Variants in TRIM50 observed in about 807,000 individuals in gnomAD.
TRIM50 encodes the protein E3 ubiquitin-protein ligase TRIM50.
A neutral mutation model predicts 44.9 loss-of-function variants in TRIM50; 34 were observed. The observed-to-expected ratio is 0.76, with a 90% CI of 0.58 to 1.01. The LOEUF is 1.01. Among genes scored for constraint, TRIM50 ranks in the 50% least tolerant of loss-of-function variants. TRIM50 has a pLI of 0.00. For missense variants in TRIM50, 633 were observed against 663.7 expected (o/e 0.95, Z 0.51); for synonymous variants, 307 against 291.1 (o/e 1.05, Z -0.56).
chr7:73,326,670 C>T (rs1330805100), intron 1 of TRIM50, among the ~76,000 whole-genome samples: 4 of 152,026 alleles, frequency 2.6e-5, no homozygotes, highest in African/African-American at 4.8e-5. Flanking sequence ...ACATAAACAG[C>T]ATCATATAGA....
intron 2 of TRIM50, among the ~76,000 whole-genome samples, chr7:73,323,580 T>G (rs1293055753): frequency 2.0e-5 from 3 of 152,234 alleles, no homozygotes; most frequent in Admixed American, 2.0e-4. Flanking sequence ...TCTTAAAGAA[T>G]GATCTGCTAG....
At chr7:73,325,012 ATATGTG>A (rs1275822468) in intron 1 of TRIM50, among the ~76,000 whole-genome samples, 2 of 103,718 alleles carry the variant, frequency 1.9e-5, no homozygotes, top group African/African-American at 8.1e-5. Flanking sequence ...TCCCTTGAAG[ATATGTG>A]TGTGTGTGTG....
At position 73,316,484 on chromosome 7, in the gene TRIM50, A is replaced by G. The variant is rs1436962863; in HGVS notation, c.874+81T>C. ...CCTCCATCTGAGTTCTCTGTAGCTT[A>G]TTATCTCTCTGATACAATCGATGAA... On this transcript the variant is annotated intron_variant, in intron 6 of 6. Transcript: ENST00000333149. 1.9e-6 allele frequency: 3 copies of G among 1,564,864 alleles called. No individual in the cohort carries two copies. In the African/African-American group the frequency reaches 4.1e-5, roughly 21 times the overall value.
At chr7:73,322,689 C>T (rs1221520320) in intron 2 of TRIM50, among the ~76,000 whole-genome samples, 4 of 152,200 alleles carry the variant, frequency 2.6e-5, no homozygotes, top group Non-Finnish European at 4.4e-5. Flanking sequence ...TCTTTCTATC[C>T]CTTTTTTCAG....
chr7:73,324,635 C>T lies in TRIM50; in HGVS notation c.153G>A (p.Leu51=). 2 of 1,614,204 alleles carry T rather than the reference C, an allele frequency of 1.2e-6. No individual in the cohort carries two copies. Among genetic ancestry groups the T allele is most frequent in the Non-Finnish European group, 1.7e-6 (2 of 1,180,036 alleles). ...CCGCCTGCCGGCACACGGGGCAGCG[C>T]AGCTCGGCATCCAGGTGGCAGGACA... ...VSLSCHLDAE[L]RCPVCRQAVD... Residue 51 remains leucine, a synonymous_variant, in exon 2 of 7, where the codon CTG becomes CTA. Coordinates refer to ENST00000333149, the MANE Select transcript of TRIM50 (RefSeq NM_178125.3).
intron 2 of TRIM50, 95 bp from the exon 3 acceptor site, chr7:73,320,337 C>G (rs1804467076): frequency 1.9e-6 from 3 of 1,584,950 alleles, no homozygotes; most frequent in African/African-American, 1.3e-5. Flanking sequence ...TGGCCACAAG[C>G]ACTCCCAGGG....
chr7:73,315,048 C>G, intron 6 of TRIM50: 1 of 341,812 alleles, frequency 2.9e-6, no homozygotes, highest in South Asian at 2.8e-5. Flanking sequence ...ACTTGGAAGA[C>G]AAAGGAGCTT....
At chr7:73,319,974 G>T (rs2115749145) in intron 3 of TRIM50, among the ~76,000 whole-genome samples, 173 bp downstream of exon 3, 1 of 152,338 alleles carries the variant, frequency 6.6e-6, no homozygotes, top group East Asian at 1.9e-4. Flanking sequence ...AACGACAACT[G>T]GGTTGAATTC....
chr7:73,322,281 G>C (rs527893628), intron 2 of TRIM50, among the ~76,000 whole-genome samples: 2 of 152,122 alleles, frequency 1.3e-5, no homozygotes, highest in Non-Finnish European at 2.9e-5. Context: ...CCCGGGAGGC[G>C]GAGCTTGCAG....
intron 5 of TRIM50, chr7:73,316,908 GT>G (rs1554544185): frequency 3.6e-6 from 2 of 550,700 alleles, no homozygotes; most frequent in Non-Finnish European, 5.7e-6. Context: ...TAGAGTGCAG[GT>G]TTGGGGACCA....
At chr7:73,321,017 T>C (rs1351313856) in intron 2 of TRIM50, among the ~76,000 whole-genome samples, 1 of 119,288 alleles carries the variant, frequency 8.4e-6, no homozygotes, top group South Asian at 2.6e-4. Flanking sequence ...AGAGTGAAAC[T>C]CCGTCTCAAA....
chr7:73,313,158 G>A lies in TRIM50; in HGVS notation c.1227C>T (p.Gly409=). The A allele has an allele frequency of 6.3e-7, 1 of 1,587,788 alleles. No homozygotes were observed. Among genetic ancestry groups the A allele is most frequent in the South Asian group, 1.1e-5 (1 of 87,434 alleles). The part of the protein sequence containing the change: ...ACPRVPLPVA[G]HPHRIGLYLH... ...GGTAGAGCCCGATGCGGTGGGGGTG[G>A]CCGGCCACGGGCAGGGGTACCCGGG... Residue 409 remains glycine (G), a synonymous_variant, in exon 7 of 7, where the codon GGC becomes GGT. Coordinates refer to ENST00000333149, the MANE Select transcript of TRIM50 (RefSeq NM_178125.3). This position sits in a 1 kb window ranked among gnomAD's most constrained non-coding sequence, Gnocchi z 4.9.
intron 1 of TRIM50, among the ~76,000 whole-genome samples, chr7:73,326,875 C>T (rs1554546199): frequency 1.3e-5 from 2 of 152,014 alleles, no homozygotes; most frequent in South Asian, 2.1e-4. Flanking sequence ...TTGCAACCTC[C>T]GCCTCCCGGG....
rs182771024 is a variant in TRIM50, at chr7:73,318,285, T to C, written c.749+402A>G. On this transcript the variant is annotated intron_variant, in intron 5 of 6. Transcript: ENST00000333149. The stretch of plus-strand genomic sequence containing the variant: ...CGGGGACTATAGGCACATGACACCA[T>C]GCCCAACTAATTTTTTTATTTTTGT... 2.6e-3 allele frequency among the ~76,000 whole-genome samples: 396 copies of C among 152,294 alleles called. 4 individuals carry two copies. Among genetic ancestry groups the C allele is most frequent in the Non-Finnish European group, 4.0e-3 (275 of 68,032 alleles).
Position 73,313,159 on chromosome 7 carries a change from C to T in TRIM50, c.1226G>A (p.Gly409Asp). 1.3e-6 allele frequency: 2 copies of T among 1,587,654 alleles called. No homozygotes were observed. The highest frequency in any genetic ancestry group is 8.6e-7 in the Non-Finnish European group (1 of 1,167,300). ...GTAGAGCCCGATGCGGTGGGGGTGG[C>T]CGGCCACGGGCAGGGGTACCCGGGG... ...ACPRVPLPVA[G>D]HPHRIGLYLH... The change falls in exon 7 of 7, where the codon GGC becomes GAC. Residue 409 changes from glycine to aspartate, a missense_variant. Gly to Asp is a moderately conservative substitution (Grantham distance 94, BLOSUM62 -1). Coordinates refer to ENST00000333149, the MANE Select transcript of TRIM50 (RefSeq NM_178125.3). The surrounding 1 kb of genome is among the most constrained non-coding windows in gnomAD (Gnocchi z 4.9).
chr7:73,326,065 A>AT (rs1344924868), intron 1 of TRIM50, among the ~76,000 whole-genome samples: 2 of 151,846 alleles, frequency 1.3e-5, no homozygotes, highest in Non-Finnish European at 2.9e-5. Flanking sequence ...TATTTAAAAA[A>AT]TTTTTTTAGA....
chr7:73,327,896 G>T lies in TRIM50; in HGVS notation c.-19+4C>A. On this transcript the variant is annotated splice_donor_region_variant and intron_variant, in intron 1 of 6. Transcript: ENST00000333149. ...ATCATTTCCCGCTCGCTCTCGTTAC[G>T]TACCCAGCCTCCGGCCCCTGTAAGT... 1 of 412,814 alleles carries T rather than the reference G, an allele frequency of 2.4e-6. No individual in the cohort carries two copies. Among genetic ancestry groups the T allele is most frequent in the Non-Finnish European group, 4.5e-6 (1 of 222,996 alleles). The allele number at this position is 412,814 out of a possible 1,614,324, so 25.6% of individuals were successfully genotyped here.
At chr7:73,317,001 T>C in intron 5 of TRIM50, 1 of 240,940 alleles carries the variant, frequency 4.2e-6, no homozygotes, top group African/African-American at 2.2e-5. Flanking sequence ...AAATGCAGGT[T>C]CTTAGACCCC....
At chr7:73,317,629 A>G (rs1554544330) in intron 5 of TRIM50, among the ~76,000 whole-genome samples, 1 of 152,094 alleles carries the variant, frequency 6.6e-6, no homozygotes, top group East Asian at 1.9e-4. Context: ...AAATGCTGGG[A>G]TTACAGGTGT....
Sources: allele counts gnomAD v4.1 joint callset (sites outside exome capture counted in the v4.1 genomes callset), GRCh38; gene constraint gnomAD v4.1.1; non-coding constraint Gnocchi (gnomAD v3.1); transcripts MANE v1.5; gene names NCBI Gene and HGNC (gene_info 2026-07-23, HGNC 2026-07-21).